Variants in GPM6A observed in about 807,000 individuals in gnomAD.
GPM6A encodes the protein glycoprotein M6A.
GPM6A carries 7 observed loss-of-function variants against 32.1 expected under a neutral mutation model. The observed-to-expected ratio is 0.22, with a 90% CI of 0.12 to 0.41. GPM6A has a LOEUF of 0.41. Among genes scored for constraint, GPM6A ranks in the 10% least tolerant of loss-of-function variants. GPM6A has a pLI of 1.00. For synonymous variants in GPM6A, 130 were observed against 123.4 expected, an observed-to-expected ratio of 1.05 and a Z score of -0.35; for missense variants, 235 against 347.2, an observed-to-expected ratio of 0.68 and a Z score of 2.57.
chr4:175,903,236 A>C (rs1300552487), intron 1 of GPM6A, among the ~76,000 whole-genome samples: 1 of 152,124 alleles, frequency 6.6e-6, no homozygotes. Context: ...GGCCAAACTC[A>C]TGTCATTTGA....
intron 1 of GPM6A, among the ~76,000 whole-genome samples, chr4:175,953,984 C>CT (rs1170816282): frequency 2.0e-5 from 3 of 151,960 alleles, no homozygotes; most frequent in South Asian, 2.1e-4. Flanking sequence ...TAAAAAACAT[C>CT]TTTTTTTTAC....
At chr4:175,666,075 C>T (rs527293660) in intron 3 of GPM6A, among the ~76,000 whole-genome samples, 5 of 151,778 alleles carry the variant, frequency 3.3e-5, no homozygotes, top group East Asian at 2.0e-4. Context: ...CCCACCACCA[C>T]GCCTGGCTAA....
At chr4:175,733,727 G>T (rs981044120) in intron 1 of GPM6A, among the ~76,000 whole-genome samples, 2 of 152,062 alleles carry the variant, frequency 1.3e-5, no homozygotes, top group Admixed American at 6.6e-5. Context: ...ACTATGAAAA[G>T]AATAAAACAC....
intron 1 of GPM6A, among the ~76,000 whole-genome samples, chr4:175,969,194 T>A (rs1740423435): frequency 6.6e-6 from 1 of 152,162 alleles, no homozygotes; most frequent in South Asian, 2.1e-4. Flanking sequence ...CTATATGACA[T>A]TTTGGAAAAG....
At chr4:175,722,643 C>G (rs1300961040) in intron 1 of GPM6A, among the ~76,000 whole-genome samples, 1 of 152,066 alleles carries the variant, frequency 6.6e-6, no homozygotes, top group East Asian at 1.9e-4. Context: ...TGACACCTCA[C>G]CCGGCAGGTA....
At chr4:175,652,576 CTT>C (rs1741870992) in intron 3 of GPM6A, among the ~76,000 whole-genome samples, 1 of 151,530 alleles carries the variant, frequency 6.6e-6, no homozygotes. Context: ...AGTATATACA[CTT>C]ATATATGGTA....
At chr4:175,712,388 A>G (rs749384370) in intron 1 of GPM6A, among the ~76,000 whole-genome samples, 3 of 152,312 alleles carry the variant, frequency 2.0e-5, no homozygotes, top group Non-Finnish European at 4.4e-5. Flanking sequence ...GAGTGCTCCA[A>G]ATTAATAAAG....
intron 1 of GPM6A, among the ~76,000 whole-genome samples, chr4:175,760,717 G>T (rs1732705493): frequency 2.0e-5 from 3 of 151,906 alleles, no homozygotes; most frequent in Admixed American, 1.3e-4. Flanking sequence ...GAATTATTCA[G>T]TCATTAAATG....
intron 1 of GPM6A, among the ~76,000 whole-genome samples, chr4:175,797,491 G>T (rs1734279481): frequency 6.6e-6 from 1 of 152,052 alleles, no homozygotes; most frequent in Non-Finnish European, 1.5e-5. Context: ...TGGAATACAT[G>T]GTAACTGTTT....
At chr4:175,761,447 T>C (rs1238428598) in intron 1 of GPM6A, among the ~76,000 whole-genome samples, 3 of 152,156 alleles carry the variant, frequency 2.0e-5, no homozygotes, top group Non-Finnish European at 4.4e-5. Flanking sequence ...TCCATAAATA[T>C]GTGTTGAATG....
chr4:175,715,088 G>C (rs989292388), intron 1 of GPM6A, among the ~76,000 whole-genome samples: 2 of 151,692 alleles, frequency 1.3e-5, no homozygotes, highest in Admixed American at 1.3e-4. Flanking sequence ...TGGAAATCCA[G>C]TTAAAACCCT....
chr4:175,767,706 C>T (rs1290298619), intron 1 of GPM6A, among the ~76,000 whole-genome samples: 2 of 152,154 alleles, frequency 1.3e-5, no homozygotes, highest in Non-Finnish European at 2.9e-5. Flanking sequence ...AACATTTTTT[C>T]TCCTGTCTGC....
At chr4:175,757,786 C>A (rs1483865914) in intron 1 of GPM6A, among the ~76,000 whole-genome samples, 1 of 152,036 alleles carries the variant, frequency 6.6e-6, no homozygotes, top group African/African-American at 2.4e-5. Context: ...GAGGGAGCAG[C>A]CCTGTATCCA....
intron 1 of GPM6A, among the ~76,000 whole-genome samples, chr4:175,854,017 G>T (rs1736342929): frequency 6.6e-6 from 1 of 152,134 alleles, no homozygotes; most frequent in South Asian, 2.1e-4. Flanking sequence ...TATAAAAGGA[G>T]AAATAGGAAA....
At chr4:175,986,757 A>G (rs1188997804) in intron 1 of GPM6A, among the ~76,000 whole-genome samples, 1 of 152,140 alleles carries the variant, frequency 6.6e-6, no homozygotes, top group African/African-American at 2.4e-5. Context: ...GTGCATCTAC[A>G]CACTTACTGC....
chr4:175,854,286 T>C (rs1224836366), intron 1 of GPM6A, among the ~76,000 whole-genome samples: 1 of 152,148 alleles, frequency 6.6e-6, no homozygotes, highest in Non-Finnish European at 1.5e-5. Flanking sequence ...ATCCAGAAAT[T>C]ACATGAAGGC....
chr4:175,651,305 A>G (rs1741788612), intron 4 of GPM6A, among the ~76,000 whole-genome samples: 1 of 152,210 alleles, frequency 6.6e-6, no homozygotes, highest in South Asian at 2.1e-4. Flanking sequence ...TATTATTACT[A>G]CATGAGATTT....
At chr4:175,967,376 A>G (rs1740363590) in intron 1 of GPM6A, among the ~76,000 whole-genome samples, 1 of 152,204 alleles carries the variant, frequency 6.6e-6, no homozygotes, top group African/African-American at 2.4e-5. Flanking sequence ...TATGGTGAGG[A>G]GGATGTCCTT....
At position 175,812,228 on chromosome 4, in the gene GPM6A, G is replaced by A; in HGVS notation, c.-1C>T. 6.5e-7 allele frequency: 1 copy of A among 1,549,726 alleles called. No homozygotes were observed. The highest frequency in any genetic ancestry group is 1.8e-5 in the Admixed American group (1 of 55,264). On this transcript the variant is annotated 5_prime_UTR_variant, in exon 1 of 7. Coordinates refer to ENST00000393658, the MANE Select transcript of GPM6A (RefSeq NM_201591.3). Reference sequence around the variant, plus strand: ...GTCCCTCTTCCATATTCTCTTCCATGGCTACCTTTCTTCAGTAGAATCTGG... The same window carrying A: ...GTCCCTCTTCCATATTCTCTTCCATAGCTACCTTTCTTCAGTAGAATCTGG...
Sources: gnomAD v4.1 joint callset for allele counts (sites outside exome capture counted in the v4.1 genomes callset) on GRCh38, gnomAD v4.1.1 for gene constraint, MANE v1.5 for transcripts, NCBI Gene and HGNC (gene_info 2026-07-23, HGNC 2026-07-21) for gene names.